The following CTNNA2 variants were observed in gnomAD, a reference collection of about 807,000 sequenced individuals.
CTNNA2 encodes the protein catenin alpha-2.
CTNNA2 carries 42 observed loss-of-function variants against 101.0 expected under a neutral mutation model. That is an observed-to-expected ratio of 0.42 (90% CI 0.32 to 0.54). The LOEUF (loss-of-function observed/expected upper bound fraction) is 0.54, where lower values mean the gene tolerates loss of function less well. Among genes scored for constraint, CTNNA2 ranks in the 20% least tolerant of loss-of-function variants. The probability of loss-of-function intolerance (pLI) is 0.14; values close to 1 mark genes in which losing one functional copy is unlikely to be tolerated. For synonymous variants in CTNNA2, 450 were observed against 456.4 expected (o/e 0.99, Z 0.18); for missense variants, 871 against 1,223.1 (o/e 0.71, Z 4.29).
intron 7 of CTNNA2, among the ~76,000 whole-genome samples, chr2:80,128,799 A>G (rs1055668030): frequency 2.0e-5 from 3 of 152,252 alleles, no homozygotes; most frequent in East Asian, 1.9e-4. Context: ...CCATGGGTAG[A>G]TCAGTCTTAG....
At chr2:79,536,033 A>G (rs1673033506) in intron 1 of CTNNA2, among the ~76,000 whole-genome samples, 1 of 152,192 alleles carries the variant, frequency 6.6e-6, no homozygotes. Flanking sequence ...TCTTGAAGGG[A>G]TGCAACGTAG....
At chr2:79,286,021 T>C (rs2104356396) in intron 2 of CTNNA2, among the ~76,000 whole-genome samples, 1 of 150,702 alleles carries the variant, frequency 6.6e-6, no homozygotes, top group Admixed American at 6.6e-5. Context: ...GCCTTCTTTG[T>C]CTCTTTTGAT....
chr2:79,691,383 T>A lies in CTNNA2; in HGVS notation c.102+39725T>A, dbSNP rs533563335. On this transcript the variant is annotated intron_variant, in intron 2 of 18. Transcript: ENST00000402739. ...CATTTAGTGGATACCATAGAGATTA[T>A]CATCTGCAGTTTCTGCAAAGAATGA... Among the ~76,000 whole-genome samples, 14 of 152,102 alleles carry A rather than the reference T, an allele frequency of 9.2e-5. 1 individual carries two copies. The South Asian group carries it at 2.7e-3, about 29-fold the overall frequency.
chr2:80,605,036 C>T (rs967465695), intron 16 of CTNNA2: 1 of 151,984 alleles, frequency 6.6e-6, no homozygotes, highest in Non-Finnish European at 1.5e-5. Context: ...TCCACATGAT[C>T]AAGAACCTTC....
At position 79,591,444 on chromosome 2, in the gene CTNNA2, A is replaced by G. The variant is rs1442840269; in HGVS notation, c.-5-60108A>G. On this transcript the variant is annotated intron_variant, in intron 1 of 18. Transcript: ENST00000402739. ...AATGACTTGGTTGACCATAACATAG[A>G]CTCATTCATGAAGACTAACCCTGAG... Among the ~76,000 whole-genome samples the G allele has an allele frequency of 3.5e-5, 5 of 144,102 alleles. No individual in the cohort carries two copies. The East Asian group carries it at 1.0e-3, about 29-fold the overall frequency. 94.5% of individuals were successfully genotyped at this position (144,102 alleles called of 152,430 possible).
At chr2:80,132,588 C>T (rs1057511323) in intron 7 of CTNNA2, among the ~76,000 whole-genome samples, 76 of 152,066 alleles carry the variant, frequency 5.0e-4, no homozygotes, top group Non-Finnish European at 8.4e-4. Context: ...TTTAAAGTAA[C>T]AAGTTACTCT....
intron 17 of CTNNA2, chr2:80,618,684 ACAT>A (rs1699050816): frequency 6.5e-6 from 1 of 153,804 alleles, no homozygotes; most frequent in Non-Finnish European, 1.4e-5. Flanking sequence ...TCCAAGAAAG[ACAT>A]CAGGGATCCC....
At chr2:79,664,865 A>T (rs372744395) in intron 2 of CTNNA2, among the ~76,000 whole-genome samples, 1 of 151,620 alleles carries the variant, frequency 6.6e-6, no homozygotes, top group African/African-American at 2.4e-5. Flanking sequence ...GCGCCCGCCA[A>T]CACGCCCGGC....
At chr2:80,023,512 A>G (rs1012840689) in intron 7 of CTNNA2, among the ~76,000 whole-genome samples, 1 of 152,070 alleles carries the variant, frequency 6.6e-6, no homozygotes, top group African/African-American at 2.4e-5. Flanking sequence ...TTTCTGTTCT[A>G]TGAGCTACGA....
chr2:79,866,710 T>C (rs1682128974), intron 4 of CTNNA2: 1 of 152,226 alleles, frequency 6.6e-6, no homozygotes, highest in Admixed American at 6.5e-5. Context: ...TAAGGCATTT[T>C]TCCCCCATGC....
At chr2:80,431,643 C>T (rs1574024767) in intron 9 of CTNNA2, among the ~76,000 whole-genome samples, 1 of 152,306 alleles carries the variant, frequency 6.6e-6, no homozygotes, top group East Asian at 1.9e-4. Context: ...TTGAGCTGTT[C>T]TAAATCGTGA....
intron 7 of CTNNA2, among the ~76,000 whole-genome samples, chr2:79,975,614 ACGACCCTTT>A (rs562325725): frequency 8.9e-4 from 135 of 152,244 alleles, no homozygotes; most frequent in African/African-American, 3.1e-3. Context: ...CAGCATTCCC[ACGACCCTTT>A]CCTCAGGTCC....
chr2:79,459,083 G>T (rs1670852550), intron 4 of CTNNA2, among the ~76,000 whole-genome samples: 1 of 152,102 alleles, frequency 6.6e-6, no homozygotes, highest in Non-Finnish European at 1.5e-5. Flanking sequence ...GATTACATAT[G>T]AAGTACATTC....
chr2:79,324,143 C>A (rs1332958404), intron 3 of CTNNA2, among the ~76,000 whole-genome samples: 1 of 152,158 alleles, frequency 6.6e-6, no homozygotes, highest in Non-Finnish European at 1.5e-5. Context: ...GATGGCAAGA[C>A]ATAACATAAT....
At chr2:79,673,503 C>T (rs7607590) in intron 2 of CTNNA2, among the ~76,000 whole-genome samples, 3,214 of 152,226 alleles carry the variant, frequency 0.021, 104 homozygotes, top group African/African-American at 0.073. Flanking sequence ...CTAATCATTT[C>T]GTTCCTTAAA....
chr2:80,144,791 C>A (rs571665133), intron 7 of CTNNA2, among the ~76,000 whole-genome samples: 1 of 152,298 alleles, frequency 6.6e-6, no homozygotes, highest in African/African-American at 2.4e-5. Flanking sequence ...TTCATTATTT[C>A]TCATCCTGAA....
At chr2:79,241,888 TC>T in intron 2 of CTNNA2, among the ~76,000 whole-genome samples, 2 of 49,214 alleles carry the variant, frequency 4.1e-5, no homozygotes, top group Non-Finnish European at 1.1e-4. Context: ...TTGGGTATTT[TC>T]TTTTCTTTTC....
chr2:79,643,973 C>A (rs1558797393), intron 1 of CTNNA2, among the ~76,000 whole-genome samples: 1 of 152,132 alleles, frequency 6.6e-6, no homozygotes, highest in Non-Finnish European at 1.5e-5. Context: ...GTCTTACATC[C>A]TCTTCTGCTG....
chr2:80,645,378 CG>C (rs1558676087), intron 18 of CTNNA2, among the ~76,000 whole-genome samples: 1 of 151,968 alleles, frequency 6.6e-6, no homozygotes, highest in African/African-American at 2.4e-5. Flanking sequence ...ATGGGAAAGA[CG>C]AAAAAGTAAA....
Sources: allele counts gnomAD v4.1 joint callset (sites outside exome capture counted in the v4.1 genomes callset), GRCh38; gene constraint gnomAD v4.1.1; transcripts MANE v1.5; gene names NCBI Gene and HGNC (gene_info 2026-07-23, HGNC 2026-07-21).